CCBE1: variants seen among roughly 807,000 people sequenced by gnomAD.
CCBE1 encodes the protein collagen and calcium binding EGF domains 1.
CCBE1 carries 37 observed loss-of-function variants against 50.0 expected under a neutral mutation model. The observed-to-expected ratio is 0.74, with a 90% CI of 0.57 to 0.97. The LOEUF (loss-of-function observed/expected upper bound fraction) is 0.97, where lower values mean the gene tolerates loss of function less well. Among genes scored for constraint, CCBE1 ranks in the 50% least tolerant of loss-of-function variants. The pLI is 0.00. For synonymous variants in CCBE1, 234 were observed against 203.7 expected (o/e 1.15, Z -1.27); for missense variants, 538 against 523.8 (o/e 1.03, Z -0.26).
At chr18:59,562,539 C>G (rs2052755884) in intron 2 of CCBE1, among the ~76,000 whole-genome samples, 1 of 152,262 alleles carries the variant, frequency 6.6e-6, no homozygotes. Flanking sequence ...CATGTCAGTC[C>G]CCTGATCTTT....
intron 2 of CCBE1, among the ~76,000 whole-genome samples, chr18:59,668,819 CTTTT>C (rs34632549): frequency 2.0e-5 from 2 of 99,172 alleles, no homozygotes; most frequent in African/African-American, 8.3e-5. Flanking sequence ...TTCCATAAGT[CTTTT>C]TTTTTTTTTT....
chr18:59,439,828 G>A lies in CCBE1; in HGVS notation c.776-12C>T. The A allele has an allele frequency of 6.2e-7, 1 of 1,613,072 alleles. No individual in the cohort carries two copies. Among genetic ancestry groups the A allele is most frequent in the Non-Finnish European group, 8.5e-7 (1 of 1,179,924 alleles). On this transcript the variant is annotated splice_polypyrimidine_tract_variant and intron_variant, in intron 7 of 10. Coordinates refer to ENST00000439986, the MANE Select transcript of CCBE1 (RefSeq NM_133459.4). ...TGGTCCTGGTGAGCCTGTAATCAAA[G>A]AACACCTCATTAGCTCACAGCACAT...
rs1195427419 is a variant in CCBE1 at position 59,433,534 on chromosome 18, AGG to A, written c.*2372_*2373del. 6.6e-6 allele frequency: 1 copy of A among 152,082 alleles called. No homozygotes were observed. The highest frequency in any genetic ancestry group is 1.5e-5 in the Non-Finnish European group (1 of 68,026). 9.4% of individuals were successfully genotyped at this position (152,082 alleles called of 1,614,324 possible). The stretch of plus-strand genomic sequence containing the variant: ...AGGGAAGGAAGACTGTTGCCACTAG[AGG>A]TTTGCAAAGCCCCTTCCTAACATTC... On this transcript the variant is annotated 3_prime_UTR_variant, in exon 11 of 11. Coordinates refer to ENST00000439986, the MANE Select transcript of CCBE1 (RefSeq NM_133459.4).
At chr18:59,504,729 T>C (rs908848907) in intron 2 of CCBE1, among the ~76,000 whole-genome samples, 1 of 152,224 alleles carries the variant, frequency 6.6e-6, no homozygotes, top group Non-Finnish European at 1.5e-5. Context: ...TCCTCCTGCC[T>C]CCACATGTGA....
intron 6 of CCBE1, among the ~76,000 whole-genome samples, chr18:59,453,351 C>T (rs1911030059): frequency 6.6e-6 from 1 of 152,226 alleles, no homozygotes; most frequent in South Asian, 2.1e-4. Context: ...TCAACCTAAG[C>T]TCAAGCTGGG....
intron 2 of CCBE1, among the ~76,000 whole-genome samples, chr18:59,512,356 G>A (rs761664812): frequency 3.3e-5 from 5 of 152,228 alleles, no homozygotes; most frequent in African/African-American, 4.8e-5. Context: ...AGACACAGCC[G>A]TGGGGTTGGA....
chr18:59,536,037 TTGTAA>T (rs1915234674), intron 2 of CCBE1, among the ~76,000 whole-genome samples: 3 of 152,240 alleles, frequency 2.0e-5, no homozygotes, highest in African/African-American at 7.2e-5. Flanking sequence ...TCAATTTTGT[TTGTAA>T]TGTTTCATTT....
intron 3 of CCBE1, among the ~76,000 whole-genome samples, chr18:59,472,882 C>T (rs1429350468): frequency 6.6e-6 from 1 of 152,232 alleles, no homozygotes; most frequent in Non-Finnish European, 1.5e-5. Flanking sequence ...AAAGTCATGT[C>T]TTACATGGTG....
At chr18:59,605,325 G>T (rs532414761) in intron 2 of CCBE1, among the ~76,000 whole-genome samples, 1 of 152,204 alleles carries the variant, frequency 6.6e-6, no homozygotes, top group Non-Finnish European at 1.5e-5. Context: ...CAGTCACAGC[G>T]ATAACAAGAG....
chr18:59,571,223 A>G (rs1003793932), intron 2 of CCBE1, among the ~76,000 whole-genome samples: 3 of 152,192 alleles, frequency 2.0e-5, no homozygotes, highest in Non-Finnish European at 4.4e-5. Context: ...ATTATTATGT[A>G]ACTTTTCCTT....
intron 3 of CCBE1, among the ~76,000 whole-genome samples, chr18:59,473,337 G>A (rs1344721076): frequency 2.6e-5 from 4 of 152,140 alleles, no homozygotes; most frequent in Admixed American, 2.0e-4. Context: ...GGGAAGTCCT[G>A]TGAGATTCAA....
At chr18:59,556,655 A>C (rs927661484) in intron 2 of CCBE1, among the ~76,000 whole-genome samples, 1 of 152,312 alleles carries the variant, frequency 6.6e-6, no homozygotes, top group Non-Finnish European at 1.5e-5. Flanking sequence ...AGGTATTATT[A>C]GTAGGATAAA....
chr18:59,536,147 C>T (rs1568192889), intron 2 of CCBE1, among the ~76,000 whole-genome samples: 1 of 152,180 alleles, frequency 6.6e-6, no homozygotes, highest in East Asian at 1.9e-4. Flanking sequence ...GGTTTTGAGT[C>T]TAGAGAGATA....
chr18:59,641,445 TGAGGGTGGAGGGTGGGAG>T (rs2053988818), intron 2 of CCBE1, among the ~76,000 whole-genome samples: 1 of 152,000 alleles, frequency 6.6e-6, no homozygotes, highest in Non-Finnish European at 1.5e-5. Context: ...GGGGCCTGCT[TGAGGGTGGAGGGTGGGAG>T]GAGGGTGAGG....
At chr18:59,534,836 C>A (rs1487771574) in intron 2 of CCBE1, among the ~76,000 whole-genome samples, 1 of 152,124 alleles carries the variant, frequency 6.6e-6, no homozygotes, top group Non-Finnish European at 1.5e-5. Context: ...AATAACAGAC[C>A]ATGCATATAG....
intron 2 of CCBE1, among the ~76,000 whole-genome samples, chr18:59,541,654 C>T (rs1009604372): frequency 1.3e-5 from 2 of 152,074 alleles, no homozygotes; most frequent in Non-Finnish European, 2.9e-5. Flanking sequence ...TGGAGCCATC[C>T]CATGGAGATC....
At chr18:59,695,822 G>A (rs913650192) in intron 2 of CCBE1, among the ~76,000 whole-genome samples, 2 of 152,132 alleles carry the variant, frequency 1.3e-5, no homozygotes, top group African/African-American at 4.8e-5. Context: ...CTTGTACAGC[G>A]CCTCTAAAAC....
In CCBE1 at chr18:59,591,600, G is replaced by C. The variant is rs149263778; in HGVS notation, c.212+105029C>G. On this transcript the variant is annotated intron_variant, in intron 2 of 10. Transcript: ENST00000439986. ...AAAAATGATCTTAAGTGTGTTAAGA[G>C]ATTTCCAAGTCTACCCATAAGAAGA... is the stretch of plus-strand genomic sequence containing the variant. Among the ~76,000 whole-genome samples the C allele has an allele frequency of 2.1e-3, 316 of 152,300 alleles. 4 individuals carry two copies. The East Asian group carries it at 0.032, about 15-fold the overall frequency.
intron 2 of CCBE1, among the ~76,000 whole-genome samples, chr18:59,608,835 C>A (rs918536439): frequency 1.2e-4 from 18 of 152,204 alleles, no homozygotes. Flanking sequence ...ATCCTTGCTG[C>A]CCATCTGTTT....
Sources: allele counts gnomAD v4.1 joint callset (sites outside exome capture counted in the v4.1 genomes callset), GRCh38; gene constraint gnomAD v4.1.1; transcripts MANE v1.5; gene names NCBI Gene and HGNC (gene_info 2026-07-23, HGNC 2026-07-21).